The following IHO1 variants were observed in gnomAD, a reference collection of about 807,000 sequenced individuals.
IHO1 encodes interactor of HORMAD1 protein 1.
Under a neutral mutation model 31.0 loss-of-function variants are expected in IHO1, and 13 were observed. The ratio of observed to expected loss-of-function variants is 0.42; its 90% CI spans 0.27 to 0.67. The LOEUF is 0.67. Ranked by LOEUF, IHO1 falls within the 30% of genes least tolerant of loss-of-function variation. The pLI, the probability that IHO1 is intolerant of heterozygous loss-of-function variation, is 0.24. For synonymous variants in IHO1, 221 were observed against 248.4 expected, an observed-to-expected ratio of 0.89 and a Z score of 1.04; for missense variants, 599 against 687.5, an observed-to-expected ratio of 0.87 and a Z score of 1.44.
chr3:49,256,922 T>C lies in IHO1; in HGVS notation c.1425T>C (p.Tyr475=), dbSNP rs1351496270. The part of the protein sequence containing the change: ...PIQTCKFNSK[Y]QSPQPAISVP... Reference sequence around the variant, plus strand: ...AGACCTGTAAATTCAATTCCAAATATCAGAGTCCTCAGCCTGCAATTTCTG... The same window carrying C: ...AGACCTGTAAATTCAATTCCAAATACCAGAGTCCTCAGCCTGCAATTTCTG... The change falls in exon 8 of 8, where the codon TAT becomes TAC. Residue 475 remains tyrosine (Y), a synonymous_variant. Coordinates refer to ENST00000452691, the MANE Select transcript of IHO1 (RefSeq NM_001135197.2). The surrounding 1 kb of genome is among the most constrained non-coding windows in gnomAD (Gnocchi z 4.6). 1.2e-6 allele frequency: 2 copies of C among 1,614,088 alleles called. No homozygotes were observed. The highest frequency in any genetic ancestry group is 2.7e-5 in the African/African-American group (2 of 74,934).
chr3:49,234,265 C>G (rs2046523982), intron 2 of IHO1, among the ~76,000 whole-genome samples: 1 of 150,394 alleles, frequency 6.6e-6, no homozygotes, highest in Non-Finnish European at 1.5e-5. Context: ...CTCCAGCTCC[C>G]TGGTTCAAGT....
At chr3:49,228,768 G>A (rs2046446297) in intron 2 of IHO1, among the ~76,000 whole-genome samples, 2 of 152,200 alleles carry the variant, frequency 1.3e-5, no homozygotes, top group Admixed American at 1.3e-4. Flanking sequence ...GCTCTTAAAG[G>A]TGGTGTGGAC....
chr3:49,217,302 G>A (rs1449626787), intron 2 of IHO1, among the ~76,000 whole-genome samples: 1 of 151,984 alleles, frequency 6.6e-6, no homozygotes, highest in Non-Finnish European at 1.5e-5. Flanking sequence ...GGAATACTAT[G>A]CAGCCATAAA....
intron 6 of IHO1, among the ~76,000 whole-genome samples, chr3:49,246,858 C>CTT (rs542095883): frequency 4.2e-5 from 6 of 143,914 alleles, no homozygotes; most frequent in Non-Finnish European, 6.1e-5. Flanking sequence ...TTTTTCTTTT[C>CTT]TTTTTTTTTT....
intron 6 of IHO1, among the ~76,000 whole-genome samples, chr3:49,248,725 C>G (rs2046726015): frequency 6.6e-6 from 1 of 151,998 alleles, no homozygotes; most frequent in African/African-American, 2.4e-5. Context: ...GAAACTCTGT[C>G]TCAAAAAAGA....
chr3:49,218,574 A>G (rs1378153339), intron 2 of IHO1, among the ~76,000 whole-genome samples: 3 of 151,576 alleles, frequency 2.0e-5, no homozygotes, highest in African/African-American at 7.3e-5. Context: ...TAGAGATGGG[A>G]TTTCACCATG....
At chr3:49,207,963 G>A (rs1197740110) in intron 1 of IHO1, among the ~76,000 whole-genome samples, 3 of 151,662 alleles carry the variant, frequency 2.0e-5, no homozygotes, top group Admixed American at 6.6e-5. Flanking sequence ...TAGTAGAGAC[G>A]GGGTTTCACC....
At position 49,256,960 on chromosome 3, in the gene IHO1, C is replaced by G; in HGVS notation, c.1463C>G (p.Pro488Arg). Residue 488 changes from proline (P) to arginine (R), a missense_variant, in exon 8 of 8, where the codon CCC (proline) becomes CGC (arginine). Pro to Arg is a moderately radical substitution (Grantham distance 103, BLOSUM62 -2). Transcript: ENST00000452691. This position sits in a 1 kb window ranked among gnomAD's most constrained non-coding sequence, Gnocchi z 4.6. ...CCTGCAATTTCTGTCCCTCAAAGCC[C>G]CTTCCTGGGGCAGCAGGAACCCCGT... ...PQPAISVPQS[P>R]FLGQQEPRAQ... 1.2e-6 allele frequency: 2 copies of G among 1,614,272 alleles called. No individual in the cohort carries two copies. Among genetic ancestry groups the G allele is most frequent in the Non-Finnish European group, 1.7e-6 (2 of 1,180,042 alleles).
intron 6 of IHO1, among the ~76,000 whole-genome samples, chr3:49,248,866 G>T (rs1276916378): frequency 2.0e-5 from 3 of 152,210 alleles, no homozygotes; most frequent in Non-Finnish European, 4.4e-5. Flanking sequence ...ATGATGAGCA[G>T]AAAATTAATC....
intron 2 of IHO1, among the ~76,000 whole-genome samples, chr3:49,233,206 T>C (rs182103258): frequency 1.7e-3 from 255 of 152,182 alleles, no homozygotes; most frequent in Admixed American, 3.7e-3. Context: ...ATGGTAGAAA[T>C]TGTAAGAAAT....
chr3:49,234,168 T>TTG (rs1334089485), intron 2 of IHO1, among the ~76,000 whole-genome samples: 2 of 145,834 alleles, frequency 1.4e-5, no homozygotes, highest in East Asian at 4.1e-4. Context: ...TGTTGTTTTT[T>TTG]TTTTTTTTTT....
At chr3:49,235,501 T>G (rs2046548803) in intron 2 of IHO1, among the ~76,000 whole-genome samples, 1 of 152,094 alleles carries the variant, frequency 6.6e-6, no homozygotes, top group African/African-American at 2.4e-5. Flanking sequence ...GTGCTGGGAT[T>G]ACAGGCGTGA....
the IHO1 span, among the ~76,000 whole-genome samples, chr3:49,193,108 C>T: frequency 2.0e-5 from 3 of 152,166 alleles, no homozygotes; most frequent in East Asian, 1.9e-4. Flanking sequence ...CGGTCACTCA[C>T]GTCTGTAATC....
At chr3:49,209,334 T>C (rs925827037) in intron 1 of IHO1, among the ~76,000 whole-genome samples, 3 of 152,164 alleles carry the variant, frequency 2.0e-5, no homozygotes, top group Non-Finnish European at 4.4e-5. Context: ...ATAAGGGCCT[T>C]TTAAATGCTT....
intron 2 of IHO1, among the ~76,000 whole-genome samples, chr3:49,212,971 G>A (rs1439922470): frequency 1.3e-5 from 2 of 152,162 alleles, no homozygotes; most frequent in Non-Finnish European, 2.9e-5. Flanking sequence ...AGAGCTGATC[G>A]GTCTGTTTTA....
intron 1 of IHO1, among the ~76,000 whole-genome samples, chr3:49,202,204 T>A (rs1446923501): frequency 6.6e-6 from 1 of 152,076 alleles, no homozygotes; most frequent in Non-Finnish European, 1.5e-5. Flanking sequence ...TAGTGTTACA[T>A]TAGAATGATG....
At chr3:49,219,265 C>T (rs1006600030) in intron 2 of IHO1, among the ~76,000 whole-genome samples, 1 of 152,084 alleles carries the variant, frequency 6.6e-6, no homozygotes, top group African/African-American at 2.4e-5. Flanking sequence ...GTGGGTTTAC[C>T]GGAATGAGGG....
intron 2 of IHO1, among the ~76,000 whole-genome samples, chr3:49,226,964 T>C (rs140849097): frequency 2.0e-5 from 3 of 152,098 alleles, no homozygotes; most frequent in Non-Finnish European, 4.4e-5. Flanking sequence ...CTTTGGAGAT[T>C]TCTTTGCTTG....
intron 1 of IHO1, among the ~76,000 whole-genome samples, chr3:49,202,493 TTTTG>T (rs1319041050): frequency 7.3e-5 from 8 of 110,232 alleles, no homozygotes; most frequent in African/African-American, 2.6e-4. Flanking sequence ...GCCCGGCTAA[TTTTG>T]TGTGTGTGTG....
Sources: gnomAD v4.1 joint callset for allele counts (sites outside exome capture counted in the v4.1 genomes callset) on GRCh38, gnomAD v4.1.1 for gene constraint, Gnocchi (gnomAD v3.1) non-coding constraint, MANE v1.5 for transcripts, NCBI Gene and HGNC (gene_info 2026-07-23, HGNC 2026-07-21) for gene names.